SEMA3A: variants seen among roughly 807,000 people sequenced by gnomAD.
SEMA3A encodes semaphorin 3A.
SEMA3A carries 29 observed loss-of-function variants against 97.9 expected under a neutral mutation model. That is an observed-to-expected ratio of 0.30 (90% CI 0.22 to 0.40). SEMA3A has a LOEUF of 0.40. Ranked by LOEUF, SEMA3A falls within the 10% of genes least tolerant of loss-of-function variation. SEMA3A has a pLI of 1.00. For missense variants in SEMA3A, 763 were observed against 951.3 expected (o/e 0.80, Z 2.60); for synonymous variants, 321 against 323.7 (o/e 0.99, Z 0.09).
intron 5 of SEMA3A, among the ~76,000 whole-genome samples, chr7:84,051,547 T>C (rs1792654278): frequency 6.6e-6 from 1 of 152,248 alleles, no homozygotes; most frequent in Non-Finnish European, 1.5e-5. Context: ...TTGTGATTTC[T>C]GTACATTGAT....
chr7:84,306,065 AT>A (rs1801146098), intron 3 of SEMA3A, among the ~76,000 whole-genome samples: 1 of 151,820 alleles, frequency 6.6e-6, no homozygotes, highest in African/African-American at 2.4e-5. Flanking sequence ...TATGAGGTAT[AT>A]TTCCCATAAA....
intron 2 of SEMA3A, among the ~76,000 whole-genome samples, chr7:84,310,119 A>C (rs1801276437): frequency 6.6e-6 from 1 of 152,164 alleles, no homozygotes; most frequent in African/African-American, 2.4e-5. Flanking sequence ...TATTTCAGGT[A>C]TCTCTATTCC....
intron 3 of SEMA3A, among the ~76,000 whole-genome samples, chr7:84,204,273 G>A (rs1185687978): frequency 6.6e-6 from 1 of 152,158 alleles, no homozygotes; most frequent in Non-Finnish European, 1.5e-5. Flanking sequence ...CTGGATTTAA[G>A]TCATAAGATC....
chr7:84,271,324 A>C (rs1349326631), intron 3 of SEMA3A, among the ~76,000 whole-genome samples: 5 of 152,026 alleles, frequency 3.3e-5, no homozygotes, highest in Non-Finnish European at 7.4e-5. Context: ...TGTAGCTGGG[A>C]CTACAGGTGT....
chr7:84,266,841 G>A (rs1800018067), intron 3 of SEMA3A, among the ~76,000 whole-genome samples: 1 of 152,034 alleles, frequency 6.6e-6, no homozygotes, highest in South Asian at 2.1e-4. Flanking sequence ...CTAATCATTG[G>A]TGTGTCTATC....
intron 5 of SEMA3A, among the ~76,000 whole-genome samples, chr7:84,054,526 A>C (rs1263998259): frequency 6.6e-6 from 1 of 151,598 alleles, no homozygotes; most frequent in East Asian, 1.9e-4. Flanking sequence ...TTCTTCATGT[A>C]GTTCTCGAGC....
intron 1 of SEMA3A, among the ~76,000 whole-genome samples, chr7:84,416,508 C>A (rs761568916): frequency 1.1e-4 from 17 of 152,088 alleles, no homozygotes; most frequent in Non-Finnish European, 2.9e-5. Context: ...CCAAAACATA[C>A]AATGTCTTTT....
At chr7:84,060,375 T>C (rs554307026) in intron 5 of SEMA3A, 90 bp downstream of exon 5, 18 of 795,280 alleles carry the variant, frequency 2.3e-5, no homozygotes, top group Middle Eastern at 2.5e-4. Context: ...TATTATTTCA[T>C]AATGGAAAAT....
chr7:84,403,574 T>A (rs2116221182), intron 1 of SEMA3A, among the ~76,000 whole-genome samples: 1 of 152,304 alleles, frequency 6.6e-6, no homozygotes, highest in East Asian at 1.9e-4. Flanking sequence ...CAGCTTGAGA[T>A]CTGAGAACGG....
In SEMA3A at chr7:84,321,897, A is replaced by AAAAAAAAAG. The variant is rs1562902776; in HGVS notation, c.-168-14606_-168-14605insCTTTTTTTT. Among the ~76,000 whole-genome samples, 62 of 84,290 alleles carry AAAAAAAAAG rather than the reference A, an allele frequency of 7.4e-4. 1 individual carries two copies. The highest frequency in any genetic ancestry group is 3.0e-3 in the African/African-American group (61 of 20,192). 55.3% of individuals were successfully genotyped at this position (84,290 alleles called of 152,430 possible). A position where few individuals can be genotyped will look rare whatever the true frequency, so the allele number is the denominator to read the frequency against. Reference sequence around the variant, plus strand: ...GAAAAAAAAAAAAAAAAAAAAAAAAAAAGAAGAAGAAGAAGGAGGAAATAC... The same window carrying AAAAAAAAAG: ...GAAAAAAAAAAAAAAAAAAAAAAAAAAAAAAAAAGAAGAAGAAGAAGAAGGAGGAAATAC... On this transcript the variant is annotated intron_variant, in intron 2 of 3. Transcript: ENST00000424555.
intron 1 of SEMA3A, among the ~76,000 whole-genome samples, chr7:84,438,729 T>C (rs991587346): frequency 2.6e-5 from 4 of 152,024 alleles, no homozygotes; most frequent in South Asian, 2.1e-4. Context: ...ACCCACCACA[T>C]AGAAACAACC....
chr7:84,342,737 G>T (rs1429755329), intron 2 of SEMA3A, among the ~76,000 whole-genome samples: 1 of 152,138 alleles, frequency 6.6e-6, no homozygotes, highest in Non-Finnish European at 1.5e-5. Context: ...TGAGGAATAC[G>T]CATTGAGTTA....
chr7:84,263,177 T>G (rs572309858), intron 3 of SEMA3A, among the ~76,000 whole-genome samples: 2 of 152,270 alleles, frequency 1.3e-5, no homozygotes, highest in South Asian at 4.1e-4. Context: ...ATTTTTTAAA[T>G]GTATCCCCAA....
chr7:84,222,223 T>C (rs1054215176), intron 3 of SEMA3A, among the ~76,000 whole-genome samples: 1 of 151,976 alleles, frequency 6.6e-6, no homozygotes, highest in African/African-American at 2.4e-5. Flanking sequence ...ATAAAGGGAA[T>C]TAAATTTTTA....
intron 3 of SEMA3A, among the ~76,000 whole-genome samples, chr7:84,270,978 T>C (rs1800134550): frequency 6.6e-6 from 1 of 152,060 alleles, no homozygotes; most frequent in African/African-American, 2.4e-5. Flanking sequence ...TTCAGATTAG[T>C]AGTACTCAGT....
At position 84,487,976 on chromosome 7, in the gene SEMA3A, T is replaced by C. The variant is rs1410295814; in HGVS notation, c.-246+4484A>G. ...CTTCCTCATGTTCATTCCATTTGTC[T>C]TGCGTAAGTCTGCTTGTGTTTGTAA... On this transcript the variant is annotated intron_variant, in intron 1 of 3. Transcript: ENST00000424555. Among the ~76,000 whole-genome samples, 3 of 152,230 alleles carry C rather than the reference T, an allele frequency of 2.0e-5. No individual in the cohort carries two copies. In the East Asian group the frequency reaches 5.8e-4, roughly 29 times the overall value.
chr7:84,251,213 A>G (rs981238055), intron 3 of SEMA3A, among the ~76,000 whole-genome samples: 2 of 152,348 alleles, frequency 1.3e-5, no homozygotes, highest in South Asian at 4.1e-4. Context: ...TGATATCAAC[A>G]TTCTGGTTCA....
chr7:84,095,083 T>C (rs1054574116), intron 4 of SEMA3A, among the ~76,000 whole-genome samples: 19 of 149,266 alleles, frequency 1.3e-4, no homozygotes, highest in African/African-American at 4.6e-4. Flanking sequence ...AATTTATTTA[T>C]AATTTATATA....
intron 1 of SEMA3A, among the ~76,000 whole-genome samples, chr7:84,167,791 C>T (rs908848312): frequency 6.6e-6 from 1 of 152,112 alleles, no homozygotes; most frequent in Admixed American, 6.5e-5. Context: ...TAAAAGTTAG[C>T]ATACTATTCC....
Sources: allele counts gnomAD v4.1 joint callset (sites outside exome capture counted in the v4.1 genomes callset), GRCh38; gene constraint gnomAD v4.1.1; transcripts MANE v1.5; gene names NCBI Gene and HGNC (gene_info 2026-07-23, HGNC 2026-07-21).